Variants in MAGI2 observed in about 807,000 individuals in gnomAD.
MAGI2 encodes membrane-associated guanylate kinase, WW and PDZ domain-containing protein 2.
In MAGI2, 35 loss-of-function variants were observed where a neutral mutation model predicts 133.3. The observed-to-expected ratio is 0.26, with a 90% confidence interval of 0.20 to 0.35. The LOEUF is 0.35. MAGI2 is among the 10% of genes least tolerant of loss of function. MAGI2 has a pLI of 1.00. For missense variants in MAGI2, 1,636 were observed against 1,863.4 expected (o/e 0.88, Z 2.25); for synonymous variants, 729 against 710.6 (o/e 1.03, Z -0.41).
chr7:78,368,616 G>T (rs1469628014), intron 7 of MAGI2, among the ~76,000 whole-genome samples: 12 of 151,936 alleles, frequency 7.9e-5, no homozygotes, highest in Admixed American at 7.2e-4. Flanking sequence ...CGAATAAAAG[G>T]ATGCATGGGG....
intron 1 of MAGI2, among the ~76,000 whole-genome samples, chr7:79,261,498 G>A (rs1834087820): frequency 6.6e-6 from 1 of 152,130 alleles, no homozygotes; most frequent in Non-Finnish European, 1.5e-5. Context: ...CAAAGGACAG[G>A]CCTCATGTGA....
At chr7:78,404,092 G>T (rs1797151777) in intron 6 of MAGI2, among the ~76,000 whole-genome samples, 1 of 151,990 alleles carries the variant, frequency 6.6e-6, no homozygotes, top group South Asian at 2.1e-4. Context: ...AAAATACCTA[G>T]GAATCCCACT....
intron 1 of MAGI2, among the ~76,000 whole-genome samples, chr7:79,232,366 T>C (rs1320309969): frequency 1.4e-5 from 2 of 140,700 alleles, no homozygotes; most frequent in Non-Finnish European, 3.1e-5. Flanking sequence ...TCAGAAGGAA[T>C]GGTACCAGTT....
rs532698167 is a variant in MAGI2, at chr7:78,541,111, T to C, written c.539-19466A>G. Among the ~76,000 whole-genome samples, 11 of 152,382 alleles carry C rather than the reference T, an allele frequency of 7.2e-5. No homozygotes were observed. In the South Asian group the frequency reaches 1.9e-3, roughly 26 times the overall value. On this transcript the variant is annotated intron_variant, in intron 3 of 21. Transcript: ENST00000354212. The stretch of plus-strand genomic sequence containing the variant: ...GGGGCTGCAAGTCAGTCCTGACTCC[T>C]ATCCACCATTTATTTTCCTTCCCTG...
rs141873862 is a variant in MAGI2 at position 79,220,296 on chromosome 7, T to G, written c.302-213090A>C. 3.9e-4 allele frequency among the ~76,000 whole-genome samples: 59 copies of G among 152,100 alleles called. No homozygotes were observed. The East Asian group carries it at 0.011, about 28-fold the overall frequency. ...AGAACATGTCTCATCTGACACACAA[T>G]GTCTTAACTACCTCACGGACAGCCT... On this transcript the variant is annotated intron_variant, in intron 1 of 21. Coordinates refer to ENST00000354212, the MANE Select transcript of MAGI2 (RefSeq NM_012301.4).
In MAGI2 at chr7:78,540,271, A is replaced by G. The variant is rs901050842; in HGVS notation, c.539-18626T>C. 2.0e-5 allele frequency among the ~76,000 whole-genome samples: 3 copies of G among 152,094 alleles called. No individual in the cohort carries two copies. In the South Asian group the frequency reaches 6.2e-4, roughly 32 times the overall value. ...GGGCTTGCTGTAGCCACTGTTGGGG[A>G]TGGGGTGTGGTTCTCAGGCCAATGG... On this transcript the variant is annotated intron_variant, in intron 3 of 21. Coordinates refer to ENST00000354212, the MANE Select transcript of MAGI2 (RefSeq NM_012301.4).
chr7:78,334,319 C>T (rs1341255285), intron 9 of MAGI2, among the ~76,000 whole-genome samples: 2 of 151,808 alleles, frequency 1.3e-5, no homozygotes, highest in African/African-American at 4.8e-5. Flanking sequence ...GCACATGGAC[C>T]TCAGGTTAAT....
intron 1 of MAGI2, among the ~76,000 whole-genome samples, chr7:79,093,284 T>C (rs1418774480): frequency 2.0e-5 from 3 of 151,928 alleles, no homozygotes; most frequent in African/African-American, 7.3e-5. Context: ...GTCAGAAGCA[T>C]TCAAAAAGAA....
At chr7:79,318,148 A>G (rs148170436) in intron 1 of MAGI2, among the ~76,000 whole-genome samples, 13 of 152,276 alleles carry the variant, frequency 8.5e-5, no homozygotes, top group Admixed American at 2.6e-4. Context: ...TACACTGAGG[A>G]AAGCAAAATC....
At chr7:79,342,699 A>C (rs17152292) in intron 1 of MAGI2, among the ~76,000 whole-genome samples, 2,049 of 152,208 alleles carry the variant, frequency 0.013, 53 homozygotes, top group African/African-American at 0.047. Context: ...TCAAAACACT[A>C]GTCTCTTCAC....
At chr7:79,282,100 A>G (rs1158366431) in intron 1 of MAGI2, among the ~76,000 whole-genome samples, 5 of 152,202 alleles carry the variant, frequency 3.3e-5, no homozygotes, top group Non-Finnish European at 1.5e-5. Flanking sequence ...ACAGCTCTAG[A>G]GATATTTAAT....
At chr7:78,724,065 T>C (rs1377551169) in intron 2 of MAGI2, among the ~76,000 whole-genome samples, 1 of 152,152 alleles carries the variant, frequency 6.6e-6, no homozygotes, top group African/African-American at 2.4e-5. Flanking sequence ...CAATGAGTAC[T>C]GCCAGGGAAG....
intron 1 of MAGI2, among the ~76,000 whole-genome samples, chr7:79,140,762 C>T (rs115859824): frequency 4.6e-5 from 7 of 151,932 alleles, no homozygotes; most frequent in Non-Finnish European, 8.8e-5. Context: ...TTTGGTATAT[C>T]GTTGTTCTCC....
At chr7:79,266,309 T>G (rs1428884224) in intron 1 of MAGI2, among the ~76,000 whole-genome samples, 12 of 142,448 alleles carry the variant, frequency 8.4e-5, no homozygotes, top group African/African-American at 2.9e-4. Flanking sequence ...TACTAACGGG[T>G]GTGACTTTTT....
intron 10 of MAGI2, chr7:78,251,662 A>C (rs1439622101): frequency 6.6e-6 from 1 of 152,234 alleles, no homozygotes; most frequent in Non-Finnish European, 1.5e-5. Flanking sequence ...ATTGAACAAA[A>C]GTACAAGATC....
chr7:78,019,170 C>T lies in MAGI2; in HGVS notation c.*145G>A. 1.1e-6 allele frequency: 1 copy of T among 940,514 alleles called. No individual in the cohort carries two copies. Among genetic ancestry groups the T allele is most frequent in the Non-Finnish European group, 1.6e-6 (1 of 632,278 alleles). The allele number at this position is 940,514 out of a possible 1,614,324, so 58.3% of individuals were successfully genotyped here. ...CGATGCCGCCCAAGCACACCGGACACGTGGGACTTCACGTCGATGCTCCCA... is the reference window on the plus strand; with the variant it reads ...CGATGCCGCCCAAGCACACCGGACATGTGGGACTTCACGTCGATGCTCCCA... On this transcript the variant is annotated 3_prime_UTR_variant, in exon 22 of 22. Coordinates refer to ENST00000354212, the MANE Select transcript of MAGI2 (RefSeq NM_012301.4).
chr7:78,256,590 A>T lies in MAGI2; in HGVS notation c.1409-9T>A. 6.2e-7 allele frequency: 1 copy of T among 1,603,474 alleles called. No individual in the cohort carries two copies. The highest frequency in any genetic ancestry group is 8.5e-7 in the Non-Finnish European group (1 of 1,176,490). ...ATAGACAATGACATCACCTGTAAGA[A>T]AAAAAGAGATTGACAACATGAGGTA... On this transcript the variant is annotated splice_polypyrimidine_tract_variant and intron_variant, in intron 9 of 21. Coordinates refer to ENST00000354212, the MANE Select transcript of MAGI2 (RefSeq NM_012301.4).
chr7:79,122,192 T>C (rs1001940421), intron 1 of MAGI2, among the ~76,000 whole-genome samples: 5 of 152,192 alleles, frequency 3.3e-5, no homozygotes, highest in African/African-American at 1.2e-4. Context: ...ACTATCATTA[T>C]ATCAGATAAA....
At chr7:79,365,067 C>T (rs1394687292) in intron 1 of MAGI2, among the ~76,000 whole-genome samples, 2 of 151,036 alleles carry the variant, frequency 1.3e-5, no homozygotes, top group Non-Finnish European at 2.9e-5. Context: ...TAATTAGAAA[C>T]TGTGCAAAAG....
Sources: allele counts gnomAD v4.1 joint callset (sites outside exome capture counted in the v4.1 genomes callset), GRCh38; gene constraint gnomAD v4.1.1; transcripts MANE v1.5; gene names NCBI Gene and HGNC (gene_info 2026-07-23, HGNC 2026-07-21).